Variants in ZBTB40 observed in about 807,000 individuals in gnomAD.
ZBTB40 encodes the protein zinc finger and BTB domain-containing protein 40.
In ZBTB40, 60 loss-of-function variants were observed where a neutral mutation model predicts 117.5. The observed-to-expected ratio is 0.51, with a 90% CI of 0.41 to 0.63. The LOEUF (loss-of-function observed/expected upper bound fraction) is 0.63, where lower values mean the gene tolerates loss of function less well. Among genes scored for constraint, ZBTB40 ranks in the 30% least tolerant of loss-of-function variants. The pLI is 0.00. For missense variants in ZBTB40, 1,287 were observed against 1,498.5 expected (o/e 0.86, Z 2.33); for synonymous variants, 525 against 577.1 (o/e 0.91, Z 1.29).
intron 1 of ZBTB40, among the ~76,000 whole-genome samples, chr1:22,431,461 G>A (rs1176492907): frequency 2.0e-5 from 3 of 148,450 alleles, no homozygotes; most frequent in East Asian, 1.9e-4. Flanking sequence ...TTTACTGGCC[G>A]GGTGCAGTGG....
chr1:22,431,325 G>A lies in ZBTB40; in HGVS notation c.-70+2311G>A, dbSNP rs1186440594. On this transcript the variant is annotated intron_variant, in intron 1 of 8. Transcript: ENST00000650433. ...TGAATATACAGTATATATTTATATT[G>A]TATATATATATTATATAGTGTATAT... is the stretch of plus-strand genomic sequence containing the variant. 1.9e-4 allele frequency among the ~76,000 whole-genome samples: 17 copies of A among 90,194 alleles called. 1 individual carries two copies. The highest frequency in any genetic ancestry group is 9.0e-4 in the African/African-American group (15 of 16,692). The allele number at this position is 90,194 out of a possible 152,430, so 59.2% of individuals were successfully genotyped here.
In ZBTB40 at chr1:22,463,222, G is replaced by A. The variant is rs147251054; in HGVS notation, c.-70+11218G>A. 6.8e-4 allele frequency among the ~76,000 whole-genome samples: 103 copies of A among 152,252 alleles called. No individual in the cohort carries two copies. In the East Asian group the frequency reaches 0.013, roughly 19 times the overall value. On this transcript the variant is annotated intron_variant, in intron 1 of 17. Transcript: ENST00000375647. Reference sequence around the variant, plus strand: ...GCTCCTGGTTCTCTCTAGAGCCTGCGCGCCACACCTTTACTGTAGAGCACA... The same window carrying A: ...GCTCCTGGTTCTCTCTAGAGCCTGCACGCCACACCTTTACTGTAGAGCACA...
intron 17 of ZBTB40, among the ~76,000 whole-genome samples, chr1:22,525,315 T>C (rs1265561177): frequency 6.6e-6 from 1 of 152,252 alleles, no homozygotes; most frequent in African/African-American, 2.4e-5. Flanking sequence ...GTTTGAAAAC[T>C]ACTATCCTGG....
chr1:22,451,840 C>T (rs1640877746), upstream of ZBTB40: 1 of 152,246 alleles, frequency 6.6e-6, no homozygotes, highest in South Asian at 2.1e-4. Flanking sequence ...TCGGGCCGCC[C>T]CCTCCCCTCT....
intron 8 of ZBTB40, 63 bp from the exon 9 acceptor site, chr1:22,509,037 G>A: frequency 6.2e-7 from 1 of 1,613,150 alleles, no homozygotes. Context: ...AGTGGAGGAA[G>A]GGTGTAGGAA....
intron 10 of ZBTB40, 74 bp downstream of exon 10, chr1:22,511,421 T>TTCATATCATA: frequency 6.3e-7 from 1 of 1,578,468 alleles, no homozygotes. Flanking sequence ...GAGACAGCAT[T>TTCATATCATA]TCATATCATA....
At chr1:22,483,091 AAAG>A (rs1247147322) in intron 1 of ZBTB40, among the ~76,000 whole-genome samples, 2 of 151,888 alleles carry the variant, frequency 1.3e-5, no homozygotes, top group African/African-American at 2.4e-5. Context: ...AAAAAAAAAA[AAAG>A]AAATATGCAT....
At chr1:22,447,102 C>CAAAAAAAAAAA (rs74800364), upstream of ZBTB40, among the ~76,000 whole-genome samples, 2 of 102,672 alleles carry the variant, frequency 1.9e-5, no homozygotes. Context: ...GACCTTATCT[C>CAAAAAAAAAAA]AAAAAAAAAA....
chr1:22,501,666 G>C lies in ZBTB40; in HGVS notation c.1006G>C (p.Asp336His), dbSNP rs142407370. 6.2e-7 allele frequency: 1 copy of C among 1,613,792 alleles called. No individual in the cohort carries two copies. The highest frequency in any genetic ancestry group is 1.3e-5 in the African/African-American group (1 of 74,906). Reference sequence around the variant, plus strand: ...ATTAGACAGGAAGCCAGAAGATGTAGACACAGTGCAGCCAAAAGGTAGGAG... The same window carrying C: ...ATTAGACAGGAAGCCAGAAGATGTACACACAGTGCAGCCAAAAGGTAGGAG... The part of the protein sequence containing the change: ...ALLDRKPEDV[D>H]TVQPKGSTEE... The change falls in exon 4 of 18, where the codon GAC (aspartate) becomes CAC (histidine). Residue 336 changes from aspartate to histidine, a missense_variant. This residue lies in a region of ZBTB40 where 870 missense variants were observed against 934.4 expected (regional missense o/e 0.93). Coordinates refer to ENST00000375647, the MANE Select transcript of ZBTB40 (RefSeq NM_014870.4).
At chr1:22,486,678 C>G (rs902934859) in intron 1 of ZBTB40, among the ~76,000 whole-genome samples, 1 of 152,080 alleles carries the variant, frequency 6.6e-6, no homozygotes. Flanking sequence ...TTTTCTTAAC[C>G]TGGCACTTGT....
At chr1:22,486,004 A>T (rs1231343156) in intron 1 of ZBTB40, among the ~76,000 whole-genome samples, 1 of 152,144 alleles carries the variant, frequency 6.6e-6, no homozygotes, top group Non-Finnish European at 1.5e-5. Flanking sequence ...TAAAAAAAAA[A>T]AATCCTGGTG....
intron 15 of ZBTB40, 83 bp from the exon 16 acceptor site, chr1:22,522,294 C>T: frequency 3.6e-6 from 5 of 1,371,126 alleles, no homozygotes; most frequent in Non-Finnish European, 5.2e-6. Flanking sequence ...GCCATCGCCC[C>T]AACCCCAGCC....
chr1:22,512,153 AG>A lies in ZBTB40; in HGVS notation c.2461+21del. 1 of 1,612,048 alleles carries A rather than the reference AG, an allele frequency of 6.2e-7. No individual in the cohort carries two copies. The highest frequency in any genetic ancestry group is 8.5e-7 in the Non-Finnish European group (1 of 1,179,748). ...GCCTCAGGTACGTTCAAGAAGGCAA[AG>A]GAACAGAGGATGATAATTGTGGGTT... On this transcript the variant is annotated intron_variant, in intron 11 of 17. Coordinates refer to ENST00000375647, the MANE Select transcript of ZBTB40 (RefSeq NM_014870.4).
At position 22,491,499 on chromosome 1, in the gene ZBTB40, A is replaced by G. The variant is rs181613426; in HGVS notation, c.797A>G (p.Glu266Gly). The part of the protein sequence containing the change: ...MVTQDVLKKL[E>G]MCSEIKGPQK... ...ACCCAGGATGTTTTAAAAAAACTAG[A>G]AATGTGTTCAGAAATTAAAGGTCCA... is the stretch of plus-strand genomic sequence containing the variant. The change falls in exon 3 of 18, where the codon GAA becomes GGA. Residue 266 changes from glutamate (E) to glycine (G), a missense_variant. By Grantham distance (98) the Glu-to-Gly change is moderately conservative (BLOSUM62 -2). This residue lies in a region of ZBTB40 where 870 missense variants were observed against 934.4 expected (regional missense o/e 0.93). Transcript: ENST00000375647. 1.9e-6 allele frequency: 3 copies of G among 1,613,994 alleles called. No homozygotes were observed. Among genetic ancestry groups the G allele is most frequent in the African/African-American group, 1.3e-5 (1 of 75,036 alleles).
At chr1:22,502,499 G>A in intron 5 of ZBTB40, 58 bp downstream of exon 5, 1 of 1,609,978 alleles carries the variant, frequency 6.2e-7, no homozygotes, top group Non-Finnish European at 8.5e-7. Context: ...TTAAAAAAAT[G>A]CTTTTGTGGC....
At chr1:22,438,954 G>A (rs566937890) in intron 1 of ZBTB40, among the ~76,000 whole-genome samples, 6 of 151,960 alleles carry the variant, frequency 3.9e-5, no homozygotes, top group East Asian at 1.9e-4. Context: ...TGCAACCTCC[G>A]CCTCCCAGGT....
chr1:22,530,624 G>A lies in ZBTB40; in HGVS notation c.*4228G>A, dbSNP rs535967954. 228 of 152,310 alleles carry A rather than the reference G, an allele frequency of 1.5e-3. 1 individual carries two copies. The highest frequency in any genetic ancestry group is 5.3e-3 in the African/African-American group (219 of 41,504). 9.4% of individuals were successfully genotyped at this position (152,310 alleles called of 1,614,324 possible). A position where few individuals can be genotyped will look rare whatever the true frequency, so the allele number is the denominator to read the frequency against. On this transcript the variant is annotated 3_prime_UTR_variant, in exon 18 of 18. Coordinates refer to ENST00000375647, the MANE Select transcript of ZBTB40 (RefSeq NM_014870.4). The stretch of plus-strand genomic sequence containing the variant: ...GCCACTACGTGATGCTGTATAAATT[G>A]GATTACAAACCATATTCTTGTTCAG...
intron 1 of ZBTB40, among the ~76,000 whole-genome samples, chr1:22,483,323 A>G (rs1339453552): frequency 6.6e-6 from 1 of 152,164 alleles, no homozygotes; most frequent in African/African-American, 2.4e-5. Flanking sequence ...AAGGAATGTG[A>G]TTACTAGATC....
intron 16 of ZBTB40, among the ~76,000 whole-genome samples, chr1:22,522,671 G>A (rs1275738830): frequency 2.0e-5 from 3 of 152,118 alleles, no homozygotes; most frequent in Non-Finnish European, 4.4e-5. Flanking sequence ...CCCTTAAGCC[G>A]TAACTGTGAT....
Sources: allele counts gnomAD v4.1 joint callset (sites outside exome capture counted in the v4.1 genomes callset), GRCh38; gene constraint gnomAD v4.1.1; regional missense constraint gnomAD v4.1.1; transcripts MANE v1.5; gene names NCBI Gene and HGNC (gene_info 2026-07-23, HGNC 2026-07-21).